Variants in PIBF1 observed in about 807,000 individuals in gnomAD.
The protein encoded by PIBF1 is progesterone-induced-blocking factor 1.
Under a neutral mutation model 112.5 loss-of-function variants are expected in PIBF1, and 90 were observed. That is an observed-to-expected ratio of 0.80 (90% CI 0.67 to 0.95). The LOEUF is 0.95. Among genes scored for constraint, PIBF1 ranks in the 40% least tolerant of loss-of-function variants. The pLI is 0.00. For synonymous variants in PIBF1, 301 were observed against 288.6 expected, an observed-to-expected ratio of 1.04 and a Z score of -0.44; for missense variants, 915 against 852.3, an observed-to-expected ratio of 1.07 and a Z score of -0.92.
At chr13:72,977,311 TC>T (rs1307604180) in intron 16 of PIBF1, among the ~76,000 whole-genome samples, 3 of 152,246 alleles carry the variant, frequency 2.0e-5, no homozygotes, top group Admixed American at 6.5e-5. Flanking sequence ...TTCAAGCAAT[TC>T]CCCTGCCTCA....
chr13:72,982,313 G>A (rs1490887489), intron 16 of PIBF1, among the ~76,000 whole-genome samples: 1 of 152,118 alleles, frequency 6.6e-6, no homozygotes, highest in Non-Finnish European at 1.5e-5. Flanking sequence ...GCACATGTCT[G>A]TAGTCCCAGC....
rs113653296 is a variant in PIBF1, at chr13:72,892,785, TAC to T, written c.1323-976_1323-975del. ...TCCCACCCCTTACCTCCTCCTGCCT[TAC>T]ACACACACACACACACACACACGCA... On this transcript the variant is annotated intron_variant, in intron 10 of 17. Coordinates refer to ENST00000326291, the MANE Select transcript of PIBF1 (RefSeq NM_006346.4). Among the ~76,000 whole-genome samples, 106 of 140,714 alleles carry T rather than the reference TAC, an allele frequency of 7.5e-4. No individual in the cohort carries two copies. In the South Asian group the frequency reaches 0.012, roughly 16 times the overall value. The allele number at this position is 140,714 out of a possible 152,430, so 92.3% of individuals were successfully genotyped here.
intron 9 of PIBF1, among the ~76,000 whole-genome samples, chr13:72,848,027 A>G (rs1008699165): frequency 6.6e-6 from 1 of 152,232 alleles, no homozygotes; most frequent in East Asian, 1.9e-4. Flanking sequence ...TCTATTAGCC[A>G]AAAATATTTT....
At chr13:72,837,118 T>C (rs1222378911) in intron 9 of PIBF1, among the ~76,000 whole-genome samples, 1 of 152,042 alleles carries the variant, frequency 6.6e-6, no homozygotes, top group Non-Finnish European at 1.5e-5. Context: ...TTCAGTACTA[T>C]CTTAGCAGTA....
In PIBF1 at chr13:72,822,075, A is replaced by G. The variant is rs957093403; in HGVS notation, c.806+93A>G. 1.9e-5 allele frequency: 22 copies of G among 1,135,086 alleles called. No homozygotes were observed. The African/African-American group carries it at 2.2e-4, about 12-fold the overall frequency. The allele number at this position is 1,135,086 out of a possible 1,614,324, so 70.3% of individuals were successfully genotyped here. Reference sequence around the variant, plus strand: ...TTACCAACAATCAGTTGTTAATTTTACTTTTACCTTATTCTTCTTTGCACA... The same window carrying G: ...TTACCAACAATCAGTTGTTAATTTTGCTTTTACCTTATTCTTCTTTGCACA... On this transcript the variant is annotated intron_variant, in intron 6 of 17. Transcript: ENST00000326291.
chr13:72,915,588 CAA>C (rs1270752303), intron 12 of PIBF1, among the ~76,000 whole-genome samples: 9 of 152,134 alleles, frequency 5.9e-5, no homozygotes, highest in Non-Finnish European at 1.2e-4. Context: ...TAAGGAGAAA[CAA>C]GAGTCAGTTA....
chr13:72,936,071 A>G (rs1452071984), intron 14 of PIBF1, among the ~76,000 whole-genome samples: 1 of 151,636 alleles, frequency 6.6e-6, no homozygotes, highest in Middle Eastern at 3.2e-3. Flanking sequence ...TCTGTTGCCC[A>G]GGTTGGAGCG....
intron 5 of PIBF1, among the ~76,000 whole-genome samples, chr13:72,803,168 C>A (rs1162025410): frequency 1.3e-5 from 2 of 151,552 alleles, no homozygotes; most frequent in South Asian, 2.1e-4. Flanking sequence ...CTGAGTAATA[C>A]TACTGTATAG....
chr13:72,792,311 G>T, intron 2 of PIBF1, 136 bp from the exon 3 acceptor site: 1 of 590,950 alleles, frequency 1.7e-6, no homozygotes, highest in Non-Finnish European at 2.9e-6. Flanking sequence ...GGAATTATAG[G>T]CGTGAGCCCC....
intron 2 of PIBF1, among the ~76,000 whole-genome samples, chr13:72,791,697 A>G (rs1041882459): frequency 5.3e-5 from 8 of 151,760 alleles, no homozygotes; most frequent in African/African-American, 1.9e-4. Context: ...CAGTGGTGCA[A>G]TCTTGGCTTA....
intron 4 of PIBF1, 143 bp from the exon 5 acceptor site, chr13:72,797,764 T>C (rs2035265422): frequency 3.5e-6 from 2 of 576,698 alleles, no homozygotes; most frequent in Non-Finnish European, 6.0e-6. Flanking sequence ...TAGAAAGTAT[T>C]AGTGGCTAGG....
At chr13:72,836,166 G>A (rs1369266227) in intron 9 of PIBF1, 1 of 438,408 alleles carries the variant, frequency 2.3e-6, no homozygotes, top group Non-Finnish European at 4.5e-6. Flanking sequence ...GTAAATATTA[G>A]GCTCACCTAG....
Position 72,979,450 on chromosome 13 carries a change from C to A in PIBF1, c.2049+5775C>A, listed in dbSNP as rs186966271. Among the ~76,000 whole-genome samples, 70 of 152,252 alleles carry A rather than the reference C, an allele frequency of 4.6e-4. No individual in the cohort carries two copies. In the East Asian group the frequency reaches 0.013, roughly 29 times the overall value. The stretch of plus-strand genomic sequence containing the variant: ...GCCAAATGCCTAATAGAATACTGAG[C>A]TCAGTCGTTAGAAGCTGATGTAGAA... On this transcript the variant is annotated intron_variant, in intron 16 of 17. Transcript: ENST00000326291.
chr13:72,926,562 G>A (rs568234187), intron 13 of PIBF1, among the ~76,000 whole-genome samples: 1 of 152,200 alleles, frequency 6.6e-6, no homozygotes, highest in South Asian at 2.1e-4. Flanking sequence ...TCTAAAGTGC[G>A]GGCCAGATCG....
intron 17 of PIBF1, among the ~76,000 whole-genome samples, chr13:73,007,846 A>G (rs1456622941): frequency 6.6e-6 from 1 of 151,812 alleles, no homozygotes; most frequent in Non-Finnish European, 1.5e-5. Flanking sequence ...CATTCTTAGC[A>G]TGCACCCCAT....
rs944392602 is a variant in PIBF1, at chr13:72,984,687, A to C, written c.2049+11012A>C. On this transcript the variant is annotated intron_variant, in intron 16 of 17. Transcript: ENST00000326291. ...TTGTACTCTCTGGACCACTGTGTTT[A>C]TATAGGCTTGTATAGAACCTAATAG... 4.6e-5 allele frequency among the ~76,000 whole-genome samples: 7 copies of C among 152,168 alleles called. No individual in the cohort carries two copies. The East Asian group carries it at 1.3e-3, about 29-fold the overall frequency.
Position 72,792,557 on chromosome 13 carries a change from G to T in PIBF1, c.353+10G>T. ...AACAGAAAGATGCCAGGTAAGAAAA[G>T]TTTTTTTTAAAAAAAAAACAACATC... On this transcript the variant is annotated intron_variant, in intron 3 of 17. Transcript: ENST00000326291. 6 of 1,236,138 alleles carry T rather than the reference G, an allele frequency of 4.9e-6. No homozygotes were observed. Among genetic ancestry groups the T allele is most frequent in the Non-Finnish European group, 5.6e-6 (5 of 887,858 alleles). 76.6% of individuals were successfully genotyped at this position (1,236,138 alleles called of 1,614,324 possible).
intron 9 of PIBF1, among the ~76,000 whole-genome samples, chr13:72,853,644 A>G (rs892137099): frequency 2.6e-5 from 4 of 152,130 alleles, no homozygotes; most frequent in African/African-American, 9.7e-5. Context: ...TCGTATCCCA[A>G]ACCGCACTTT....
At chr13:73,003,704 G>C (rs546354668) in intron 17 of PIBF1, among the ~76,000 whole-genome samples, 1 of 152,064 alleles carries the variant, frequency 6.6e-6, no homozygotes, top group African/African-American at 2.4e-5. Flanking sequence ...AAATCAGTTA[G>C]CCTACTTTTT....
Sources: allele counts gnomAD v4.1 joint callset (sites outside exome capture counted in the v4.1 genomes callset), GRCh38; gene constraint gnomAD v4.1.1; transcripts MANE v1.5; gene names NCBI Gene and HGNC (gene_info 2026-07-23, HGNC 2026-07-21).